Variants in PKHD1 observed in about 807,000 individuals in gnomAD.
The protein encoded by PKHD1 is fibrocystin.
In PKHD1, 291 loss-of-function variants were observed where a neutral mutation model predicts 412.0. That is an observed-to-expected ratio of 0.71 (90% CI 0.64 to 0.78). The LOEUF (loss-of-function observed/expected upper bound fraction) is 0.78. Ranked by LOEUF, PKHD1 falls within the 30% of genes least tolerant of loss-of-function variation. PKHD1 has a pLI of 0.00. For synonymous variants in PKHD1, 1,777 were observed against 1,821.5 expected (o/e 0.98, Z 0.62); for missense variants, 4,825 against 4,950.7 (o/e 0.97, Z 0.76).
intron 53 of PKHD1, among the ~76,000 whole-genome samples, chr6:51,785,803 T>C (rs1049316195): frequency 1.1e-4 from 17 of 152,208 alleles, no homozygotes; most frequent in African/African-American, 4.1e-4. Flanking sequence ...GCCAGTTTTA[T>C]TCACACTTTT....
intron 60 of PKHD1, among the ~76,000 whole-genome samples, chr6:51,732,771 T>C (rs1021916923): frequency 6.6e-6 from 1 of 152,224 alleles, no homozygotes; most frequent in African/African-American, 2.4e-5. Context: ...ATGACCTTGC[T>C]ATTTCACTTC....
chr6:51,834,264 T>C (rs182432198), intron 51 of PKHD1, among the ~76,000 whole-genome samples: 3 of 152,254 alleles, frequency 2.0e-5, no homozygotes, highest in Admixed American at 6.5e-5. Flanking sequence ...GTGTGGAAGA[T>C]GCAGGAAGGG....
At chr6:51,708,726 C>G (rs1780299388) in intron 60 of PKHD1, among the ~76,000 whole-genome samples, 1 of 152,180 alleles carries the variant, frequency 6.6e-6, no homozygotes, top group Non-Finnish European at 1.5e-5. Flanking sequence ...ACTTGTCTTT[C>G]AAATCTCAAC....
At chr6:51,664,395 G>A (rs1773374014) in intron 60 of PKHD1, among the ~76,000 whole-genome samples, 1 of 152,236 alleles carries the variant, frequency 6.6e-6, no homozygotes, top group East Asian at 1.9e-4. Flanking sequence ...AATCTCTGCT[G>A]AAAGTGTGTG....
intron 63 of PKHD1, among the ~76,000 whole-genome samples, chr6:51,644,451 T>C (rs1372357751): frequency 1.3e-5 from 2 of 152,146 alleles, no homozygotes; most frequent in Non-Finnish European, 2.9e-5. Flanking sequence ...CATTTGAACA[T>C]TCCATATATT....
At chr6:51,631,820 T>C (rs1767950278) in intron 65 of PKHD1, among the ~76,000 whole-genome samples, 1 of 152,066 alleles carries the variant, frequency 6.6e-6, no homozygotes, top group African/African-American at 2.4e-5. Flanking sequence ...TGGGAAATAT[T>C]TAGGAACCTA....
intron 60 of PKHD1, among the ~76,000 whole-genome samples, chr6:51,685,747 C>T (rs1388237854): frequency 6.6e-6 from 1 of 152,120 alleles, no homozygotes; most frequent in Admixed American, 6.6e-5. Context: ...TTGCTACCTT[C>T]CTGTGGCAGT....
intron 46 of PKHD1, among the ~76,000 whole-genome samples, chr6:51,875,074 C>T (rs1395602993): frequency 8.3e-5 from 2 of 24,068 alleles, no homozygotes; most frequent in African/African-American, 4.1e-4. Flanking sequence ...AAACGGCGCA[C>T]CACGAGACTA....
chr6:51,789,884 T>G (rs2151251401), intron 53 of PKHD1, among the ~76,000 whole-genome samples: 1 of 152,300 alleles, frequency 6.6e-6, no homozygotes, highest in Middle Eastern at 3.4e-3. Context: ...GGGAAGAGCC[T>G]GAACCTATAG....
In PKHD1 at chr6:51,753,326, C is replaced by T. The variant is rs772538453; in HGVS notation, c.8825G>A (p.Arg2942Gln). The part of the protein sequence containing the change: ...IGSVHVTEDG[R>Q]HIRLAAEVGL... ...AACCTCAGCAGCCAAACGAATGTGT[C>T]GGCCATCCTCCGTGACATGTACACT... Residue 2942 changes from arginine to glutamine, a missense_variant, in exon 57 of 67, where the codon CGA (arginine) becomes CAA (glutamine). Coordinates refer to ENST00000371117, the MANE Select transcript of PKHD1 (RefSeq NM_138694.4). 1.8e-5 allele frequency: 29 copies of T among 1,613,566 alleles called. No homozygotes were observed. Among genetic ancestry groups the T allele is most frequent in the Non-Finnish European group, 2.5e-5 (29 of 1,179,718 alleles).
At chr6:51,637,474 G>A (rs2784223) in intron 64 of PKHD1, among the ~76,000 whole-genome samples, 6,524 of 152,148 alleles carry the variant, frequency 0.043, 238 homozygotes, top group African/African-American at 0.093. Context: ...AGCACTTGTC[G>A]ACAGGTTATT....
Position 51,711,987 on chromosome 6 carries a change from T to A in PKHD1, c.10156+32398A>T, listed in dbSNP as rs375141295. ...AATTGTACTAGGAGTAGCATGTGAA[T>A]CTAACCAACAGAGATTGCACCACAT... On this transcript the variant is annotated intron_variant, in intron 60 of 66. Coordinates refer to ENST00000371117, the MANE Select transcript of PKHD1 (RefSeq NM_138694.4). Among the ~76,000 whole-genome samples the A allele has an allele frequency of 3.3e-5, 5 of 152,270 alleles. No individual in the cohort carries two copies. The East Asian group carries it at 7.7e-4, about 24-fold the overall frequency.
chr6:51,774,462 C>A (rs552528968), intron 54 of PKHD1, among the ~76,000 whole-genome samples: 1 of 151,900 alleles, frequency 6.6e-6, no homozygotes, highest in Non-Finnish European at 1.5e-5. Flanking sequence ...AGAGTGAATA[C>A]CACAGGCAAA....
At chr6:51,854,015 T>A (rs151207805) in intron 49 of PKHD1, among the ~76,000 whole-genome samples, 161 of 152,268 alleles carry the variant, frequency 1.1e-3, no homozygotes, top group African/African-American at 3.8e-3. Context: ...CTTTTTGGTT[T>A]TCAGCATTTT....
At chr6:52,079,096 G>A (rs1320518202) in intron 5 of PKHD1, among the ~76,000 whole-genome samples, 1 of 152,164 alleles carries the variant, frequency 6.6e-6, no homozygotes, top group African/African-American at 2.4e-5. Context: ...CCCATGTGAA[G>A]GGCAACCACA....
intron 37 of PKHD1, among the ~76,000 whole-genome samples, chr6:51,917,459 C>G (rs1784005043): frequency 6.6e-6 from 1 of 151,984 alleles, no homozygotes; most frequent in South Asian, 2.1e-4. Flanking sequence ...GGCCCATGAT[C>G]AGTACAAGAA....
intron 35 of PKHD1, among the ~76,000 whole-genome samples, chr6:52,001,495 T>C (rs1798387280): frequency 6.6e-6 from 1 of 151,062 alleles, no homozygotes; most frequent in African/African-American, 2.4e-5. Flanking sequence ...AGTGGTGCAA[T>C]CTCAGCTCAC....
At chr6:51,837,501 G>A (rs2151557520) in intron 50 of PKHD1, among the ~76,000 whole-genome samples, 1 of 152,264 alleles carries the variant, frequency 6.6e-6, no homozygotes, top group East Asian at 1.9e-4. Context: ...GAGGTCAGGA[G>A]TTCAAGACCA....
chr6:51,629,163 TC>T (rs1265678744), intron 65 of PKHD1, among the ~76,000 whole-genome samples: 1 of 152,046 alleles, frequency 6.6e-6, no homozygotes, highest in African/African-American at 2.4e-5. Context: ...GGCAAAGTTT[TC>T]ATGTGAAGTC....
Sources: allele counts gnomAD v4.1 joint callset (sites outside exome capture counted in the v4.1 genomes callset), GRCh38; gene constraint gnomAD v4.1.1; transcripts MANE v1.5; gene names NCBI Gene and HGNC (gene_info 2026-07-23, HGNC 2026-07-21).